Variants in RBFOX1 observed in about 807,000 individuals in gnomAD.
RBFOX1 encodes RNA binding protein fox-1 homolog 1.
Under a neutral mutation model 57.7 loss-of-function variants are expected in RBFOX1, and 8 were observed. The observed-to-expected ratio is 0.14, with a 90% confidence interval of 0.08 to 0.25. The LOEUF (loss-of-function observed/expected upper bound fraction) is 0.25. Among genes scored for constraint, RBFOX1 ranks in the 10% least tolerant of loss-of-function variants. The pLI is 1.00. For synonymous variants in RBFOX1, 326 were observed against 222.4 expected (o/e 1.47, Z -4.15); for missense variants, 611 against 548.5 (o/e 1.11, Z -1.14).
At chr16:7,563,685 G>A (rs1567845763) in intron 5 of RBFOX1, among the ~76,000 whole-genome samples, 1 of 152,158 alleles carries the variant, frequency 6.6e-6, no homozygotes. Flanking sequence ...GGCCAGACTG[G>A]TCTCCAACTC....
At chr16:7,666,745 T>C (rs370878858) in intron 13 of RBFOX1, among the ~76,000 whole-genome samples, 209 of 152,316 alleles carry the variant, frequency 1.4e-3, no homozygotes, top group African/African-American at 4.9e-3. Flanking sequence ...GAAGGAAATA[T>C]GCCAACCACT....
chr16:5,634,994 T>C (rs757918437), intron 3 of RBFOX1, among the ~76,000 whole-genome samples: 5 of 152,154 alleles, frequency 3.3e-5, no homozygotes, highest in Non-Finnish European at 5.9e-5. Context: ...CCATGATTGG[T>C]CAAGACTGGG....
At chr16:6,472,636 T>C (rs891913641) in intron 2 of RBFOX1, among the ~76,000 whole-genome samples, 23 of 152,020 alleles carry the variant, frequency 1.5e-4, no homozygotes, top group African/African-American at 5.3e-4. Flanking sequence ...CTTTCTTTTT[T>C]TTTTTTCAAT....
intron 2 of RBFOX1, among the ~76,000 whole-genome samples, chr16:5,481,172 C>T (rs11647275): frequency 1.3e-5 from 2 of 152,270 alleles, no homozygotes; most frequent in Admixed American, 6.5e-5. Context: ...TTTCATACCT[C>T]AAAATGTTGA....
At chr16:7,203,992 G>A (rs766965260) in intron 4 of RBFOX1, among the ~76,000 whole-genome samples, 1 of 152,206 alleles carries the variant, frequency 6.6e-6, no homozygotes, top group Non-Finnish European at 1.5e-5. Flanking sequence ...CATCACTTAC[G>A]TTATATTTTA....
chr16:6,473,604 TA>T (rs2095226421), intron 2 of RBFOX1, among the ~76,000 whole-genome samples: 1 of 151,272 alleles, frequency 6.6e-6, no homozygotes, highest in African/African-American at 2.4e-5. Context: ...ATTGAAGAAA[TA>T]AAGACCAACC....
intron 1 of RBFOX1, among the ~76,000 whole-genome samples, chr16:5,392,389 A>T (rs1238058641): frequency 6.6e-6 from 1 of 152,178 alleles, no homozygotes; most frequent in Non-Finnish European, 1.5e-5. Flanking sequence ...CGTACTTCCA[A>T]ATAAAGTCGC....
At chr16:7,018,636 C>G (rs188237861) in intron 3 of RBFOX1, among the ~76,000 whole-genome samples, 2 of 152,064 alleles carry the variant, frequency 1.3e-5, no homozygotes, top group Non-Finnish European at 2.9e-5. Context: ...AGTTCTAGAT[C>G]CTTGAGGAAT....
intron 2 of RBFOX1, among the ~76,000 whole-genome samples, chr16:6,395,318 C>T (rs1423160306): frequency 1.3e-5 from 2 of 152,140 alleles, no homozygotes; most frequent in Admixed American, 6.5e-5. Context: ...CTCAAAGTCT[C>T]CTGAGTCAAA....
chr16:6,803,849 C>G (rs370985830), intron 3 of RBFOX1, among the ~76,000 whole-genome samples: 1 of 152,026 alleles, frequency 6.6e-6, no homozygotes, highest in African/African-American at 2.4e-5. Flanking sequence ...CTAAAGAACT[C>G]CTTTTACAAT....
At chr16:6,447,237 A>G (rs963042822) in intron 2 of RBFOX1, among the ~76,000 whole-genome samples, 8 of 152,140 alleles carry the variant, frequency 5.3e-5, no homozygotes, top group African/African-American at 1.9e-4. Flanking sequence ...CAGTGGAGTT[A>G]CAGAGTCTGC....
At chr16:7,418,477 T>A (rs1001027448) in intron 4 of RBFOX1, among the ~76,000 whole-genome samples, 1 of 152,218 alleles carries the variant, frequency 6.6e-6, no homozygotes, top group African/African-American at 2.4e-5. Flanking sequence ...AGATGGAGAT[T>A]ACGCATTCTG....
chr16:7,231,064 G>C (rs1304207534), intron 4 of RBFOX1, among the ~76,000 whole-genome samples: 2 of 152,144 alleles, frequency 1.3e-5, no homozygotes. Flanking sequence ...ATTAAGTGGA[G>C]AGTATCCTCC....
intron 1 of RBFOX1, among the ~76,000 whole-genome samples, chr16:6,069,718 G>A (rs2095812220): frequency 6.6e-6 from 1 of 152,122 alleles, no homozygotes; most frequent in Non-Finnish European, 1.5e-5. Flanking sequence ...TGGGTGAGGT[G>A]GCTCGCACCT....
chr16:6,711,612 G>A (rs768196634), intron 3 of RBFOX1, among the ~76,000 whole-genome samples: 6 of 152,150 alleles, frequency 3.9e-5, no homozygotes, highest in African/African-American at 1.2e-4. Context: ...CTTCCCCTTC[G>A]CCTTCCACCA....
intron 2 of RBFOX1, among the ~76,000 whole-genome samples, chr16:6,473,630 A>T (rs189351188): frequency 6.6e-6 from 1 of 152,082 alleles, no homozygotes; most frequent in Non-Finnish European, 1.5e-5. Flanking sequence ...AAAAATAAAC[A>T]GAGGCTATTT....
intron 1 of RBFOX1, among the ~76,000 whole-genome samples, chr16:5,396,936 G>C (rs184034074): frequency 7.7e-4 from 117 of 152,306 alleles, no homozygotes; most frequent in African/African-American, 2.7e-3. Context: ...AATCCTATCA[G>C]ACACCCCTGG....
chr16:5,699,108 C>T (rs949075787), intron 3 of RBFOX1, among the ~76,000 whole-genome samples: 9 of 151,702 alleles, frequency 5.9e-5, no homozygotes, highest in African/African-American at 2.2e-4. Context: ...ATGCCTCAGC[C>T]TCCCGAGCAG....
chr16:5,827,355 G>A (rs1026583563), intron 3 of RBFOX1, among the ~76,000 whole-genome samples: 7 of 146,850 alleles, frequency 4.8e-5, no homozygotes, highest in Non-Finnish European at 7.4e-5. Context: ...AGCCAAGATC[G>A]TGCCACTGCA....
Sources: allele counts gnomAD v4.1 joint callset (sites outside exome capture counted in the v4.1 genomes callset), GRCh38; gene constraint gnomAD v4.1.1; transcripts MANE v1.5; gene names NCBI Gene and HGNC (gene_info 2026-07-23, HGNC 2026-07-21).